The following EYA4 variants were observed in gnomAD, a reference collection of about 807,000 sequenced individuals.
EYA4 encodes the protein EYA transcriptional coactivator and phosphatase 4.
In EYA4, 31 loss-of-function variants were observed where a neutral mutation model predicts 87.9. That is an observed-to-expected ratio of 0.35 (90% CI 0.27 to 0.48). EYA4 has a LOEUF of 0.48. Ranked by LOEUF, EYA4 falls within the 20% of genes least tolerant of loss-of-function variation. The probability of loss-of-function intolerance (pLI) is 0.99; values close to 1 mark genes in which losing one functional copy is unlikely to be tolerated. For synonymous variants in EYA4, 263 were observed against 270.6 expected (o/e 0.97, Z 0.28); for missense variants, 678 against 761.4 (o/e 0.89, Z 1.29).
At chr6:133,480,265 G>A (rs1796092296) in intron 11 of EYA4, among the ~76,000 whole-genome samples, 1 of 152,178 alleles carries the variant, frequency 6.6e-6, no homozygotes, top group Non-Finnish European at 1.5e-5. Context: ...TTTCGAGGAG[G>A]TGCTGTTTAA....
intron 2 of EYA4, among the ~76,000 whole-genome samples, chr6:133,344,452 A>G (rs926463137): frequency 6.6e-6 from 1 of 152,208 alleles, no homozygotes; most frequent in Non-Finnish European, 1.5e-5. Flanking sequence ...GCTTGTCACC[A>G]TAATAACTTG....
chr6:133,299,806 T>G (rs12173440), intron 2 of EYA4, among the ~76,000 whole-genome samples: 22,586 of 151,296 alleles, frequency 0.15, 1,741 homozygotes, highest in Non-Finnish European at 0.17. Context: ...TCCTTCACAA[T>G]AGCACTGCGA....
chr6:133,489,504 T>C (rs1796958894), intron 13 of EYA4, among the ~76,000 whole-genome samples: 1 of 150,604 alleles, frequency 6.6e-6, no homozygotes, highest in Admixed American at 6.6e-5. Context: ...CTAAAATCAG[T>C]GAAAGAAAAG....
At chr6:133,502,175 T>C (rs1412885241) in intron 13 of EYA4, 1 of 152,132 alleles carries the variant, frequency 6.6e-6, no homozygotes, top group Non-Finnish European at 1.5e-5. Context: ...TTGCTTCCTA[T>C]TAAACTCTGT....
chr6:133,510,338 C>T (rs1355084680), intron 14 of EYA4: 1 of 168,788 alleles, frequency 5.9e-6, no homozygotes, highest in Non-Finnish European at 1.3e-5. Flanking sequence ...TTCAGAGCTT[C>T]AATGGAATGG....
chr6:133,355,599 G>A (rs1361673539), intron 2 of EYA4, among the ~76,000 whole-genome samples: 1 of 152,144 alleles, frequency 6.6e-6, no homozygotes, highest in African/African-American at 2.4e-5. Flanking sequence ...GTTTCCTGGG[G>A]ATGAACCATA....
At chr6:133,381,493 G>A (rs1786216392) in intron 2 of EYA4, among the ~76,000 whole-genome samples, 1 of 152,014 alleles carries the variant, frequency 6.6e-6, no homozygotes, top group Non-Finnish European at 1.5e-5. Flanking sequence ...TATATATTCA[G>A]TAGAATTTTT....
intron 3 of EYA4, among the ~76,000 whole-genome samples, chr6:133,418,779 C>G (rs1457428378): frequency 6.6e-6 from 1 of 152,036 alleles, no homozygotes; most frequent in Non-Finnish European, 1.5e-5. Flanking sequence ...TATGAGGGAT[C>G]TAGAGATAAA....
chr6:133,347,862 C>T (rs899938985), intron 2 of EYA4, among the ~76,000 whole-genome samples: 1 of 152,106 alleles, frequency 6.6e-6, no homozygotes, highest in Non-Finnish European at 1.5e-5. Flanking sequence ...AGCTTGGAGG[C>T]AAATCTGTAA....
rs144919035 is a variant in EYA4, at chr6:133,326,822, C to T, written c.33+52009C>T. ...GACTCTGTTCTTTAAGTACCGGTGA[C>T]GTCGTCATCTTCCATGTGCTGCCCA... On this transcript the variant is annotated intron_variant, in intron 2 of 19. Coordinates refer to ENST00000355286, the MANE Select transcript of EYA4 (RefSeq NM_004100.5). Among the ~76,000 whole-genome samples the T allele has an allele frequency of 5.7e-3, 867 of 152,298 alleles. 18 individuals carry two copies. The highest frequency in any genetic ancestry group is 0.035 in the Admixed American group (529 of 15,302).
intron 2 of EYA4, among the ~76,000 whole-genome samples, chr6:133,309,315 A>G (rs1264164725): frequency 6.6e-6 from 1 of 152,196 alleles, no homozygotes; most frequent in African/African-American, 2.4e-5. Flanking sequence ...TTCAGGGAAC[A>G]AATGTCAATA....
At chr6:133,312,688 A>G (rs1333510152) in intron 2 of EYA4, among the ~76,000 whole-genome samples, 1 of 152,180 alleles carries the variant, frequency 6.6e-6, no homozygotes, top group African/African-American at 2.4e-5. Flanking sequence ...TCCTCACCAT[A>G]TAGCTTTGCT....
At chr6:133,353,019 T>G (rs1224004767) in intron 2 of EYA4, among the ~76,000 whole-genome samples, 1 of 152,144 alleles carries the variant, frequency 6.6e-6, no homozygotes, top group Non-Finnish European at 1.5e-5. Context: ...TTATTATACT[T>G]GAAAACAAGC....
chr6:133,391,749 G>C (rs930575055), intron 3 of EYA4, among the ~76,000 whole-genome samples: 1 of 152,046 alleles, frequency 6.6e-6, no homozygotes, highest in Non-Finnish European at 1.5e-5. Flanking sequence ...CCTATGAATT[G>C]GGTTGTGAGG....
Position 133,506,133 on chromosome 6 carries a change from C to G in EYA4, c.1219C>G (p.Leu407Val). The G allele has an allele frequency of 6.2e-7, 1 of 1,611,446 alleles. No homozygotes were observed. The change falls in exon 14 of 20, where the codon CTC becomes GTC. Residue 407 changes from leucine (L) to valine (V), a missense_variant. Leu to Val is a conservative substitution (Grantham distance 32). Coordinates refer to ENST00000355286, the MANE Select transcript of EYA4 (RefSeq NM_004100.5). ...TCCCCCCATGGCTGTAACCCTTGGA[C>G]TCCGCATGGAAGAAATGATTTTTAA... ...KDPPMAVTLGLRMEEMIFNLA... is the reference protein window; with the variant it reads ...KDPPMAVTLGVRMEEMIFNLA...
chr6:133,469,957 T>C (rs1034984753), intron 11 of EYA4, among the ~76,000 whole-genome samples: 1 of 151,860 alleles, frequency 6.6e-6, no homozygotes, highest in African/African-American at 2.4e-5. Flanking sequence ...TTCTTGTAAA[T>C]TTGTTTGAGT....
intron 1 of EYA4, among the ~76,000 whole-genome samples, chr6:133,242,663 T>A (rs1039134430): frequency 2.0e-5 from 3 of 152,280 alleles, no homozygotes; most frequent in African/African-American, 7.2e-5. Context: ...TGGTAGCACT[T>A]GAAAGAGTTT....
intron 2 of EYA4, among the ~76,000 whole-genome samples, chr6:133,323,491 A>G (rs1278619394): frequency 6.6e-6 from 1 of 152,160 alleles, no homozygotes; most frequent in Admixed American, 6.6e-5. Flanking sequence ...AAATTGCGTA[A>G]ACTTTGGTTA....
intron 2 of EYA4, among the ~76,000 whole-genome samples, chr6:133,358,262 T>G (rs1237880735): frequency 2.0e-5 from 3 of 152,202 alleles, no homozygotes; most frequent in Non-Finnish European, 4.4e-5. Flanking sequence ...CCTGGACTTG[T>G]ATCAGAGGAC....
Sources: gnomAD v4.1 joint callset for allele counts (sites outside exome capture counted in the v4.1 genomes callset) on GRCh38, gnomAD v4.1.1 for gene constraint, MANE v1.5 for transcripts, NCBI Gene and HGNC (gene_info 2026-07-23, HGNC 2026-07-21) for gene names.